CLSTN2: variants seen among roughly 807,000 people sequenced by gnomAD.
The protein encoded by CLSTN2 is calsyntenin 2, also known as calsyntenin-2.
In CLSTN2, 48 loss-of-function variants were observed where a neutral mutation model predicts 101.2. The ratio of observed to expected loss-of-function variants is 0.47; its 90% confidence interval spans 0.38 to 0.60. The LOEUF is 0.60. Among genes scored for constraint, CLSTN2 ranks in the 20% least tolerant of loss-of-function variants. The probability of loss-of-function intolerance (pLI) is 0.00; values close to 1 mark genes in which losing one functional copy is unlikely to be tolerated. For missense variants in CLSTN2, 1,160 were observed against 1,238.2 expected, an observed-to-expected ratio of 0.94 and a Z score of 0.95; for synonymous variants, 481 against 463.6, an observed-to-expected ratio of 1.04 and a Z score of -0.48.
intron 6 of CLSTN2, among the ~76,000 whole-genome samples, chr3:140,458,176 T>C (rs948912171): frequency 2.0e-5 from 3 of 151,922 alleles, no homozygotes; most frequent in African/African-American, 7.3e-5. Flanking sequence ...GAGATTTTTT[T>C]TTTTTTTGTA....
rs551568049 is a variant in CLSTN2 at position 140,535,379 on chromosome 3, T to C, written c.1507+2893T>C. 8.5e-5 allele frequency among the ~76,000 whole-genome samples: 13 copies of C among 152,358 alleles called. No individual in the cohort carries two copies. The East Asian group carries it at 2.3e-3, about 27-fold the overall frequency. ...TAGGCTACATCTGAAGAGGACATTGTCACTCCATAAATAGCTGCTCTACTA... is the reference window on the plus strand; with the variant it reads ...TAGGCTACATCTGAAGAGGACATTGCCACTCCATAAATAGCTGCTCTACTA... On this transcript the variant is annotated intron_variant, in intron 9 of 16. Transcript: ENST00000458420.
chr3:140,247,224 T>C (rs2086525931), intron 2 of CLSTN2, among the ~76,000 whole-genome samples: 1 of 152,194 alleles, frequency 6.6e-6, no homozygotes, highest in African/African-American at 2.4e-5. Flanking sequence ...CTGTGTCTCT[T>C]TGTGGTTATA....
intron 1 of CLSTN2, among the ~76,000 whole-genome samples, chr3:140,056,547 C>T (rs145893331): frequency 8.9e-4 from 136 of 152,224 alleles, no homozygotes; most frequent in African/African-American, 3.0e-3. Context: ...TTATGGAACA[C>T]GTGGGTTAGG....
chr3:140,011,932 A>G (rs1258087282), intron 1 of CLSTN2, among the ~76,000 whole-genome samples: 1 of 152,062 alleles, frequency 6.6e-6, no homozygotes. Flanking sequence ...GAGACCAGGG[A>G]ACCCTCTGGG....
At chr3:140,055,227 T>C (rs551043816) in intron 1 of CLSTN2, among the ~76,000 whole-genome samples, 2 of 152,336 alleles carry the variant, frequency 1.3e-5, no homozygotes, top group African/African-American at 2.4e-5. Flanking sequence ...GAAACCATTT[T>C]CTTACTCTGC....
chr3:140,038,605 G>A (rs2007704983), intron 1 of CLSTN2, among the ~76,000 whole-genome samples: 1 of 152,052 alleles, frequency 6.6e-6, no homozygotes, highest in Non-Finnish European at 1.5e-5. Flanking sequence ...TTTTTGTCAT[G>A]AAATTTTTGA....
intron 8 of CLSTN2, among the ~76,000 whole-genome samples, chr3:140,526,591 CAAACAAA>C (rs1214313745): frequency 1.7e-5 from 2 of 115,770 alleles, no homozygotes; most frequent in African/African-American, 6.7e-5. Flanking sequence ...AACAAACAAA[CAAACAAA>C]AAAAAAAAAC....
chr3:140,394,460 GC>G (rs2088157576), intron 2 of CLSTN2, among the ~76,000 whole-genome samples: 1 of 152,164 alleles, frequency 6.6e-6, no homozygotes, highest in Admixed American at 6.5e-5. Context: ...AGTTTCAGGA[GC>G]TGAAACTCCT....
At position 140,305,048 on chromosome 3, in the gene CLSTN2, ACACACACT is replaced by A. The variant is rs1379410851; in HGVS notation, c.233-98579_233-98572del. ...GACACACACACACACACACACACAC[ACACACACT>A]CTCTCTCTCTCTCTCTGTCTCTCTT... On this transcript the variant is annotated intron_variant, in intron 2 of 16. Coordinates refer to ENST00000458420, the MANE Select transcript of CLSTN2 (RefSeq NM_022131.3). 3.6e-4 allele frequency among the ~76,000 whole-genome samples: 53 copies of A among 147,138 alleles called. 1 individual carries two copies. In the South Asian group the frequency reaches 5.4e-3, roughly 15 times the overall value.
chr3:140,331,424 C>T (rs976565103), intron 2 of CLSTN2, among the ~76,000 whole-genome samples: 48 of 152,156 alleles, frequency 3.2e-4, no homozygotes, highest in African/African-American at 1.1e-3. Context: ...CAACACCAGC[C>T]ATCTAGGCAT....
chr3:140,477,626 G>A (rs1158281532), intron 8 of CLSTN2, among the ~76,000 whole-genome samples: 1 of 152,128 alleles, frequency 6.6e-6, no homozygotes, highest in African/African-American at 2.4e-5. Context: ...CTGAAATTGA[G>A]GCTCTGAAAA....
At chr3:140,238,849 A>T (rs2086437222) in intron 2 of CLSTN2, among the ~76,000 whole-genome samples, 1 of 152,214 alleles carries the variant, frequency 6.6e-6, no homozygotes, top group Non-Finnish European at 1.5e-5. Flanking sequence ...GCTACAAAGA[A>T]ATATGTGATG....
intron 7 of CLSTN2, among the ~76,000 whole-genome samples, chr3:140,462,116 C>T (rs968302630): frequency 6.6e-6 from 1 of 152,070 alleles, no homozygotes; most frequent in Non-Finnish European, 1.5e-5. Context: ...TTTCTGATAA[C>T]ATTTAGTACA....
At chr3:140,271,856 A>G (rs1199308799) in intron 2 of CLSTN2, among the ~76,000 whole-genome samples, 2 of 152,256 alleles carry the variant, frequency 1.3e-5, no homozygotes, top group Non-Finnish European at 2.9e-5. Context: ...TGTATAATGC[A>G]GACACCAGAT....
rs554969392 is a variant in CLSTN2 at position 140,253,464 on chromosome 3, G to A, written c.232+77391G>A. On this transcript the variant is annotated intron_variant, in intron 2 of 16. Coordinates refer to ENST00000458420, the MANE Select transcript of CLSTN2 (RefSeq NM_022131.3). ...CAACTACATTTGTTTATGATATTAC[G>A]TAATCAAATTTGTATAATTGCTCTT... is the stretch of plus-strand genomic sequence containing the variant. Among the ~76,000 whole-genome samples, 23 of 152,230 alleles carry A rather than the reference G, an allele frequency of 1.5e-4. No individual in the cohort carries two copies. In the East Asian group the frequency reaches 2.5e-3, roughly 17 times the overall value.
At position 140,568,300 on chromosome 3, in the gene CLSTN2, G is replaced by C. The variant is rs1985367842; in HGVS notation, c.*2047G>C. The C allele has an allele frequency of 6.6e-6, 1 of 152,208 alleles. No homozygotes were observed. Among genetic ancestry groups the C allele is most frequent in the Admixed American group, 6.5e-5 (1 of 15,286 alleles). 9.4% of individuals were successfully genotyped at this position (152,208 alleles called of 1,614,324 possible). On this transcript the variant is annotated 3_prime_UTR_variant, in exon 17 of 17. Transcript: ENST00000458420. ...TGCAGACGGGAAATAAACAGGCCTA[G>C]AAATTACACAAGAGACAAATGAAGA...
At chr3:140,432,658 A>T (rs74640903) in intron 5 of CLSTN2, among the ~76,000 whole-genome samples, 1 of 152,154 alleles carries the variant, frequency 6.6e-6, no homozygotes, top group African/African-American at 2.4e-5. Context: ...TACCTACTCA[A>T]TGGTATCTTA....
At chr3:140,102,900 G>A (rs1031254654) in intron 1 of CLSTN2, among the ~76,000 whole-genome samples, 1 of 152,034 alleles carries the variant, frequency 6.6e-6, no homozygotes, top group Non-Finnish European at 1.5e-5. Flanking sequence ...CTGACCCTCA[G>A]TTTTCTCAAC....
intron 8 of CLSTN2, among the ~76,000 whole-genome samples, chr3:140,472,316 G>A (rs1430141636): frequency 6.6e-6 from 1 of 152,204 alleles, no homozygotes; most frequent in East Asian, 1.9e-4. Context: ...AAAGCTCCTG[G>A]AAGGATCTAA....
Sources: gnomAD v4.1 joint callset for allele counts (sites outside exome capture counted in the v4.1 genomes callset) on GRCh38, gnomAD v4.1.1 for gene constraint, MANE v1.5 for transcripts, NCBI Gene and HGNC (gene_info 2026-07-23, HGNC 2026-07-21) for gene names.